The following CACNA2D1 variants were observed in gnomAD, a reference collection of about 807,000 sequenced individuals.
CACNA2D1 encodes calcium voltage-gated channel auxiliary subunit alpha2delta 1, also known as voltage-dependent calcium channel subunit alpha-2/delta-1.
In CACNA2D1, 53 loss-of-function variants were observed where a neutral mutation model predicts 171.5. That is an observed-to-expected ratio of 0.31 (90% CI 0.25 to 0.39). The LOEUF (loss-of-function observed/expected upper bound fraction) is 0.39. Among genes scored for constraint, CACNA2D1 ranks in the 10% least tolerant of loss-of-function variants. CACNA2D1 has a pLI of 1.00. For missense variants in CACNA2D1, 903 were observed against 1,299.8 expected (o/e 0.69, Z 4.69); for synonymous variants, 442 against 443.1 (o/e 1.00, Z 0.03).
chr7:81,980,172 CAAAAAAAAAAAAAAAA>C (rs35616922), intron 24 of CACNA2D1, among the ~76,000 whole-genome samples: 1 of 25,252 alleles, frequency 4.0e-5, no homozygotes, highest in African/African-American at 1.5e-4. Context: ...TAAAACCAAG[CAAAAAAAAAAAAAAAA>C]AAAAAAAAAA....
intron 6 of CACNA2D1, among the ~76,000 whole-genome samples, chr7:82,086,773 T>A (rs1810530043): frequency 6.6e-6 from 1 of 152,144 alleles, no homozygotes; most frequent in African/African-American, 2.4e-5. Context: ...CATCTAGTTA[T>A]TTTTAATAAA....
chr7:82,284,680 G>T (rs374392824), intron 3 of CACNA2D1, among the ~76,000 whole-genome samples: 1 of 152,096 alleles, frequency 6.6e-6, no homozygotes, highest in Non-Finnish European at 1.5e-5. Flanking sequence ...TCTGTACAGC[G>T]CTAATGGCAT....
chr7:82,364,397 C>T (rs1476548430), intron 1 of CACNA2D1, among the ~76,000 whole-genome samples: 3 of 152,046 alleles, frequency 2.0e-5, no homozygotes, highest in South Asian at 2.1e-4. Context: ...TTGTTGTCCA[C>T]CTGTGGATAT....
chr7:82,327,067 A>G (rs1563372639), intron 3 of CACNA2D1, among the ~76,000 whole-genome samples: 1 of 152,236 alleles, frequency 6.6e-6, no homozygotes, highest in East Asian at 1.9e-4. Flanking sequence ...CCATATAAAA[A>G]ATGCCAACAG....
At chr7:82,304,710 A>G (rs965983027) in intron 3 of CACNA2D1, among the ~76,000 whole-genome samples, 2 of 152,100 alleles carry the variant, frequency 1.3e-5, no homozygotes, top group Non-Finnish European at 2.9e-5. Flanking sequence ...GGAATATTTT[A>G]GGGGAGGGGT....
chr7:82,191,125 T>C (rs1798249770), intron 3 of CACNA2D1, among the ~76,000 whole-genome samples: 1 of 151,738 alleles, frequency 6.6e-6, no homozygotes, highest in African/African-American at 2.4e-5. Context: ...CCTTATTACA[T>C]AATTATTTAT....
intron 3 of CACNA2D1, among the ~76,000 whole-genome samples, chr7:82,174,042 C>CAAAAA (rs71093365): frequency 0.024 from 1,116 of 45,638 alleles, 71 homozygotes; most frequent in East Asian, 0.077. Context: ...GACCCTGTCT[C>CAAAAA]AAAAAAAAAA....
intron 2 of CACNA2D1, among the ~76,000 whole-genome samples, chr7:82,340,353 T>C (rs1449083676): frequency 6.6e-6 from 1 of 151,938 alleles, no homozygotes; most frequent in African/African-American, 2.4e-5. Context: ...TTTTTTTTTT[T>C]TTTAATAGGA....
intron 10 of CACNA2D1, among the ~76,000 whole-genome samples, chr7:82,053,589 G>A (rs957754684): frequency 6.6e-6 from 1 of 152,140 alleles, no homozygotes; most frequent in Non-Finnish European, 1.5e-5. Context: ...AGCCTAAGGA[G>A]GAACTAGGAG....
chr7:82,006,161 A>T, intron 16 of CACNA2D1, among the ~76,000 whole-genome samples: 1 of 152,010 alleles, frequency 6.6e-6, no homozygotes, highest in East Asian at 1.9e-4. Flanking sequence ...GTCAGCCCTT[A>T]TAGCTGTGTG....
intron 2 of CACNA2D1, among the ~76,000 whole-genome samples, chr7:82,336,480 T>C (rs1250484335): frequency 6.6e-6 from 1 of 152,218 alleles, no homozygotes; most frequent in Non-Finnish European, 1.5e-5. Flanking sequence ...TTATTCACAC[T>C]ATGAGATTTT....
At chr7:82,191,239 T>G (rs1798264024) in intron 3 of CACNA2D1, among the ~76,000 whole-genome samples, 1 of 151,848 alleles carries the variant, frequency 6.6e-6, no homozygotes, top group African/African-American at 2.4e-5. Context: ...TTATTGATTG[T>G]ACTTTTTTAA....
chr7:82,232,120 C>A (rs1351845790), intron 3 of CACNA2D1, among the ~76,000 whole-genome samples: 11 of 152,012 alleles, frequency 7.2e-5, no homozygotes, highest in Non-Finnish European at 1.5e-5. Context: ...AATAGGAATA[C>A]GAGCCAAAGA....
intron 7 of CACNA2D1, among the ~76,000 whole-genome samples, chr7:82,076,485 C>T (rs1808980735): frequency 6.6e-6 from 1 of 152,052 alleles, no homozygotes. Flanking sequence ...AAAAATGATA[C>T]TCAACTGACA....
intron 3 of CACNA2D1, among the ~76,000 whole-genome samples, chr7:82,184,169 C>CTTTTTTTTTTTTT (rs72155870): frequency 2.4e-5 from 3 of 127,422 alleles, no homozygotes; most frequent in Non-Finnish European, 3.3e-5. Context: ...TCGGTTTCCT[C>CTTTTTTTTTTTTT]TTTTTTTTTT....
At chr7:82,128,134 T>C (rs1239616067) in intron 5 of CACNA2D1, among the ~76,000 whole-genome samples, 1 of 151,842 alleles carries the variant, frequency 6.6e-6, no homozygotes, top group Non-Finnish European at 1.5e-5. Context: ...GTCACCATAT[T>C]GCCCAGGCTG....
At chr7:82,360,160 A>T (rs1016156901) in intron 1 of CACNA2D1, among the ~76,000 whole-genome samples, 1 of 152,142 alleles carries the variant, frequency 6.6e-6, no homozygotes, top group Non-Finnish European at 1.5e-5. Flanking sequence ...AGTAGCCCTC[A>T]ACTCTCCTCT....
chr7:82,204,083 C>A (rs1488417041), intron 3 of CACNA2D1, among the ~76,000 whole-genome samples: 1 of 152,196 alleles, frequency 6.6e-6, no homozygotes. Flanking sequence ...GGGCATCCTC[C>A]ATTCCCTATG....
chr7:82,251,977 G>A (rs1323012716), intron 3 of CACNA2D1, among the ~76,000 whole-genome samples: 1 of 152,104 alleles, frequency 6.6e-6, no homozygotes, highest in African/African-American at 2.4e-5. Context: ...TATGATATAT[G>A]TACTTTGGAA....
Sources: gnomAD v4.1 joint callset for allele counts (sites outside exome capture counted in the v4.1 genomes callset) on GRCh38, gnomAD v4.1.1 for gene constraint, MANE v1.5 for transcripts, NCBI Gene and HGNC (gene_info 2026-07-23, HGNC 2026-07-21) for gene names.